USP31: variants seen among roughly 807,000 people sequenced by gnomAD.
USP31 encodes ubiquitin specific peptidase 31, also known as ubiquitin carboxyl-terminal hydrolase 31.
Under a neutral mutation model 119.4 loss-of-function variants are expected in USP31, and 44 were observed. The observed-to-expected ratio is 0.37, with a 90% CI of 0.29 to 0.47. The LOEUF (loss-of-function observed/expected upper bound fraction) is 0.47. Among genes scored for constraint, USP31 ranks in the 20% least tolerant of loss-of-function variants. USP31 has a pLI of 0.99. For synonymous variants in USP31, 749 were observed against 705.6 expected, an observed-to-expected ratio of 1.06 and a Z score of -0.97; for missense variants, 1,643 against 1,730.2, an observed-to-expected ratio of 0.95 and a Z score of 0.89.
At chr16:23,111,797 AAG>A (rs1902327211) in intron 1 of USP31, among the ~76,000 whole-genome samples, 1 of 152,208 alleles carries the variant, frequency 6.6e-6, no homozygotes. Flanking sequence ...GAGTCAAATG[AAG>A]AGAGCTTCAT....
At chr16:23,148,207 AC>A (rs1308324300) in intron 1 of USP31, among the ~76,000 whole-genome samples, 3 of 152,134 alleles carry the variant, frequency 2.0e-5, no homozygotes. Context: ...CAACCACCTT[AC>A]AAAGTAGGTC....
chr16:23,071,651 A>G (rs4967945), intron 15 of USP31, among the ~76,000 whole-genome samples: 17,375 of 152,068 alleles, frequency 0.11, 1,094 homozygotes, highest in African/African-American at 0.15. Context: ...AGGGGCCTCC[A>G]TGCCAAGCCT....
intron 1 of USP31, among the ~76,000 whole-genome samples, chr16:23,141,538 C>T (rs768995683): frequency 3.3e-5 from 5 of 152,046 alleles, no homozygotes; most frequent in Non-Finnish European, 5.9e-5. Flanking sequence ...CCACCACGCC[C>T]GGCTAATTTT....
In USP31 at chr16:23,137,710, A is replaced by G. The variant is rs964574972; in HGVS notation, c.633+10928T>C. Among the ~76,000 whole-genome samples the G allele has an allele frequency of 3.3e-4, 50 of 152,116 alleles. 1 individual carries two copies. The highest frequency in any genetic ancestry group is 3.1e-3 in the Admixed American group (47 of 15,272). Reference sequence around the variant, plus strand: ...TCCATACGTTTTTGATGTTCTAAGTATATGTCTGGAAATGTATCCTAAAGA... The same window carrying G: ...TCCATACGTTTTTGATGTTCTAAGTGTATGTCTGGAAATGTATCCTAAAGA... On this transcript the variant is annotated intron_variant, in intron 1 of 15. Coordinates refer to ENST00000219689, the MANE Select transcript of USP31 (RefSeq NM_020718.4).
chr16:23,073,663 C>T (rs908259499), intron 14 of USP31, 59 bp downstream of exon 14: 96 of 1,585,396 alleles, frequency 6.1e-5, no homozygotes, highest in Non-Finnish European at 7.7e-5. Flanking sequence ...GTCCTCTAGA[C>T]CATTCATTAC....
intron 1 of USP31, among the ~76,000 whole-genome samples, chr16:23,113,037 AAAAG>A (rs1484807022): frequency 6.6e-6 from 1 of 152,182 alleles, no homozygotes; most frequent in Non-Finnish European, 1.5e-5. Context: ...CCAAAAAAAA[AAAAG>A]AATTAATAAA....
intron 1 of USP31, among the ~76,000 whole-genome samples, chr16:23,141,887 G>A (rs1903363147): frequency 6.6e-6 from 1 of 152,116 alleles, no homozygotes; most frequent in African/African-American, 2.4e-5. Context: ...CTTAATTGCT[G>A]ACAACAAATA....
intron 11 of USP31, among the ~76,000 whole-genome samples, chr16:23,084,058 G>C (rs1384553991): frequency 1.3e-5 from 2 of 152,114 alleles, no homozygotes; most frequent in African/African-American, 2.4e-5. Context: ...AGCAGAAGAA[G>C]AACCCAACCA....
At chr16:23,108,323 A>G in intron 1 of USP31, 140 bp from the exon 2 acceptor site, 3 of 1,183,752 alleles carry the variant, frequency 2.5e-6, no homozygotes, top group Non-Finnish European at 3.4e-6. Context: ...AAGTAAAAAC[A>G]GATGCCAGTG....
chr16:23,071,576 T>G (rs1900345414), intron 15 of USP31, among the ~76,000 whole-genome samples: 1 of 152,142 alleles, frequency 6.6e-6, no homozygotes, highest in African/African-American at 2.4e-5. Flanking sequence ...AAAAGAACAT[T>G]CCACAGCTTC....
In USP31 at chr16:23,072,118, A is replaced by C. The variant is rs1400340137; in HGVS notation, c.2415T>G (p.Ala805=). The change falls in exon 15 of 16, where the codon GCT becomes GCG. Residue 805 remains alanine (A), a synonymous_variant. Coordinates refer to ENST00000219689, the MANE Select transcript of USP31 (RefSeq NM_020718.4). ...ACGCCAGGGAGGTGCGTCTGGAGGA[A>C]GCTGCAGAGGTCACGCTGGCTGGCT... ...GSKPASVTSA[A]SSRRTSLASL... is the part of the protein sequence containing the mutation. 1.9e-6 allele frequency: 3 copies of C among 1,613,308 alleles called. No individual in the cohort carries two copies. Among genetic ancestry groups the C allele is most frequent in the African/African-American group, 1.3e-5 (1 of 74,922 alleles).
At chr16:23,123,780 A>G (rs1253074376) in intron 1 of USP31, among the ~76,000 whole-genome samples, 3 of 152,142 alleles carry the variant, frequency 2.0e-5, no homozygotes, top group Non-Finnish European at 2.9e-5. Flanking sequence ...CAGAAAGATC[A>G]CTTGTGGCCA....
At chr16:23,147,314 G>T (rs930544903) in intron 1 of USP31, among the ~76,000 whole-genome samples, 1 of 152,096 alleles carries the variant, frequency 6.6e-6, no homozygotes, top group Non-Finnish European at 1.5e-5. Flanking sequence ...CTCCATGTTG[G>T]TCAGGCTGGT....
chr16:23,106,375 T>C (rs1194763416), intron 3 of USP31, 24 bp downstream of exon 3: 2 of 1,613,324 alleles, frequency 1.2e-6, no homozygotes, highest in African/African-American at 2.7e-5. Flanking sequence ...ACAAAATAAG[T>C]GGAAACATCC....
chr16:23,128,960 T>C (rs1049620603), intron 1 of USP31, among the ~76,000 whole-genome samples: 7 of 152,222 alleles, frequency 4.6e-5, no homozygotes, highest in South Asian at 2.1e-4. Flanking sequence ...GATGAGATTA[T>C]AGAAATTGAG....
At chr16:23,105,640 A>G in intron 4 of USP31, 64 bp from the exon 5 acceptor site, 2 of 1,439,990 alleles carry the variant, frequency 1.4e-6, no homozygotes, top group Non-Finnish European at 1.8e-6. Context: ...TAGAAGATGC[A>G]AAATAAACCT....
At chr16:23,075,747 C>A (rs533696395) in intron 13 of USP31, among the ~76,000 whole-genome samples, 1 of 152,106 alleles carries the variant, frequency 6.6e-6, no homozygotes, top group Non-Finnish European at 1.5e-5. Flanking sequence ...TATCATTATA[C>A]CATCGATTAT....
At chr16:23,115,812 T>A (rs1242647946) in intron 1 of USP31, 2 of 981,620 alleles carry the variant, frequency 2.0e-6, no homozygotes, top group South Asian at 9.5e-5. Context: ...AAAGAGAGAA[T>A]GTTTTTATTT....
In USP31 at chr16:23,068,859, C is replaced by G; in HGVS notation, c.3246G>C (p.Arg1082Ser). 6.3e-7 allele frequency: 1 copy of G among 1,578,714 alleles called. No homozygotes were observed. ...RSRSKADSSS[R>S]GSGRHSSPAP... ...CAGGGGATGAATGCCGTCCACTGCCCCTGGAAGAAGAATCTGCTTTGCTGC... is the reference window on the plus strand; with the variant it reads ...CAGGGGATGAATGCCGTCCACTGCCGCTGGAAGAAGAATCTGCTTTGCTGC... The change falls in exon 16 of 16, where the codon AGG (arginine) becomes AGC (serine). Residue 1082 changes from arginine to serine, a missense_variant. Around this residue, in one of 5 missense-constraint regions of USP31, gnomAD observed 699 missense variants for 650.9 expected, o/e 1.07. Coordinates refer to ENST00000219689, the MANE Select transcript of USP31 (RefSeq NM_020718.4).
Sources: allele counts gnomAD v4.1 joint callset (sites outside exome capture counted in the v4.1 genomes callset), GRCh38; gene constraint gnomAD v4.1.1; regional missense constraint gnomAD v4.1.1; transcripts MANE v1.5; gene names NCBI Gene and HGNC (gene_info 2026-07-23, HGNC 2026-07-21).